Variants in OC90 observed in about 807,000 individuals in gnomAD.
The protein encoded by OC90 is otoconin-90.
Under a neutral mutation model 47.3 loss-of-function variants are expected in OC90, and 46 were observed. The observed-to-expected ratio is 0.97, with a 90% CI of 0.77 to 1.24. OC90 has a LOEUF of 1.24. OC90 is among the 50% of genes most tolerant of loss of function. The probability of loss-of-function intolerance (pLI) is 0.00; values close to 1 mark genes in which losing one functional copy is unlikely to be tolerated. For missense variants in OC90, 688 were observed against 583.9 expected (o/e 1.18, Z -1.84); for synonymous variants, 271 against 219.5 (o/e 1.23, Z -2.07).
At chr8:132,028,338 C>A (rs923896980) in intron 13 of OC90, among the ~76,000 whole-genome samples, 11 of 151,894 alleles carry the variant, frequency 7.2e-5, no homozygotes, top group African/African-American at 2.7e-4. Context: ...CCCGTCTCTA[C>A]TAAAAATACA....
At chr8:132,050,156 G>A (rs10098044) in intron 2 of OC90, among the ~76,000 whole-genome samples, 3,763 of 144,290 alleles carry the variant, frequency 0.026, 149 homozygotes, top group African/African-American at 0.086. Flanking sequence ...AAGCTTTCTA[G>A]GTAAAGGGGT....
chr8:132,024,992 C>T (rs1426037973), intron 13 of OC90, among the ~76,000 whole-genome samples: 1 of 152,238 alleles, frequency 6.6e-6, no homozygotes, highest in Non-Finnish European at 1.5e-5. Context: ...CAACTGGTGT[C>T]TGTCAAGACT....
At chr8:132,029,216 C>T in intron 12 of OC90, 37 bp from the exon 13 acceptor site, 2 of 1,533,008 alleles carry the variant, frequency 1.3e-6, no homozygotes, top group Non-Finnish European at 1.8e-6. Context: ...CTCAGAGCTC[C>T]TGGCTTCCCT....
Position 132,045,819 on chromosome 8 carries a change from G to A in OC90, c.111C>T (p.Ile37=). The A allele has an allele frequency of 6.6e-7, 1 of 1,523,606 alleles. No individual in the cohort carries two copies. Among genetic ancestry groups the A allele is most frequent in the Non-Finnish European group, 8.9e-7 (1 of 1,121,468 alleles). The allele number at this position is 1,523,606 out of a possible 1,614,324, so 94.4% of individuals were successfully genotyped here. Residue 37 remains isoleucine (I), a splice_region_variant and synonymous_variant, in exon 3 of 14, where the codon ATC becomes ATT. Coordinates refer to ENST00000254627, the MANE Select transcript of OC90 (RefSeq NM_001080399.3). ...AAGAAAAGTTCTAAGAATCCTTACT[G>A]ATATTGTTTGGGAGTCCTGGAGGCA... ...QELPPGLPNN[I]NITFFSGMFK...
At chr8:132,036,437 C>T (rs376199503) in intron 9 of OC90, 28 of 780,326 alleles carry the variant, frequency 3.6e-5, no homozygotes, top group East Asian at 2.2e-4. Context: ...AGAAATCACC[C>T]GATTTTAATG....
Position 132,031,882 on chromosome 8 carries a change from T to A in OC90, c.1030A>T (p.Arg344Trp). The change falls in exon 12 of 14, where the codon AGG becomes TGG. Residue 344 changes from arginine to tryptophan, a missense_variant and splice_region_variant. Transcript: ENST00000254627. ...GCTGTCACCGCTGGCTCTCCATACC[T>A]GTCTAGGTCATCCCTTGGCTCGCCT... The part of the protein sequence containing the change: ...GRGEPRDDLD[R>W]CCLSHHCCLE... The A allele has an allele frequency of 6.2e-7, 1 of 1,613,640 alleles. No homozygotes were observed. The highest frequency in any genetic ancestry group is 8.5e-7 in the Non-Finnish European group (1 of 1,179,718).
chr8:132,053,455 G>A (rs927922423), intron 2 of OC90, among the ~76,000 whole-genome samples: 4 of 152,162 alleles, frequency 2.6e-5, no homozygotes, highest in Admixed American at 2.0e-4. Flanking sequence ...AGTGAGTGGT[G>A]GCCTGCTAGA....
chr8:132,041,698 A>C lies in OC90; in HGVS notation c.171T>G (p.Asp57Glu), dbSNP rs1431987496. The C allele has an allele frequency of 4.7e-4, 326 of 699,864 alleles. No homozygotes were observed. Among genetic ancestry groups the C allele is most frequent in the East Asian group, 9.9e-4 (24 of 24,210 alleles). 43.4% of individuals were successfully genotyped at this position (699,864 alleles called of 1,614,324 possible). Residue 57 changes from aspartate (D) to glutamate (E), a missense_variant and splice_region_variant, in exon 5 of 14, where the codon GAT becomes GAG. Coordinates refer to ENST00000254627, the MANE Select transcript of OC90 (RefSeq NM_001080399.3). Reference sequence around the variant, plus strand: ...GCCAGGTGAAGTGGGGGCCCAGGCAATCTGTGGGGGTGGGGGGCAGGGCCT... The same window carrying C: ...GCCAGGTGAAGTGGGGGCCCAGGCACTCTGTGGGGGTGGGGGGCAGGGCCT... ...KNVESVAEIF[D>E]CLGPHFTWLQ...
At chr8:132,034,707 A>T in intron 10 of OC90, 74 bp downstream of exon 10, 2 of 1,007,788 alleles carry the variant, frequency 2.0e-6, no homozygotes, top group South Asian at 1.5e-5. Context: ...AACCCAGTTG[A>T]TATCATAAAT....
chr8:132,033,037 A>G lies in OC90; in HGVS notation c.859+2T>C, dbSNP rs1822900496. On this transcript the variant is annotated splice_donor_variant, in intron 11 of 13. Transcript: ENST00000254627. LOFTEE classifies it high-confidence loss of function. ...GAGAGGACAGACACTGCTTCTGCTC[A>G]CCTTTTTCAGTGGTCTCCTCAGGAT... 5.6e-6 allele frequency: 9 copies of G among 1,608,664 alleles called. No individual in the cohort carries two copies. The highest frequency in any genetic ancestry group is 7.6e-6 in the Non-Finnish European group (9 of 1,177,732).
chr8:132,026,927 CT>C (rs1189472998), intron 13 of OC90, among the ~76,000 whole-genome samples: 9 of 152,170 alleles, frequency 5.9e-5, no homozygotes, highest in Non-Finnish European at 1.0e-4. Flanking sequence ...CCCACTTCCA[CT>C]TTCTGTTCCA....
At chr8:132,032,111 G>T in intron 11 of OC90, 59 bp from the exon 12 acceptor site, 1 of 1,528,038 alleles carries the variant, frequency 6.5e-7, no homozygotes, top group Non-Finnish European at 9.0e-7. Context: ...GTCTCAACAG[G>T]AAGGCCATGT....
chr8:132,043,576 C>T (rs1823085807), intron 4 of OC90, among the ~76,000 whole-genome samples: 1 of 152,188 alleles, frequency 6.6e-6, no homozygotes, highest in Non-Finnish European at 1.5e-5. Context: ...ATTTAACATG[C>T]ACAGGGTCAC....
rs751842857 is a variant in OC90, at chr8:132,029,090, A to C, written c.1121T>G (p.Val374Gly). 8.7e-6 allele frequency: 14 copies of C among 1,612,260 alleles called. No homozygotes were observed. In the South Asian group the frequency reaches 1.5e-4, roughly 18 times the overall value. ...ERLPWSPVVC[V>G]DHTPKCGGQS... ...GCACTTACACTTGGGCGTATGATCCACACACACCACCGGTGACCAAGGAAG... is the reference window on the plus strand; with the variant it reads ...GCACTTACACTTGGGCGTATGATCCCCACACACCACCGGTGACCAAGGAAG... Residue 374 changes from valine (V) to glycine (G), a missense_variant, in exon 13 of 14, where the codon GTG (valine) becomes GGG (glycine). Val to Gly is a moderately radical substitution (Grantham distance 109). Coordinates refer to ENST00000254627, the MANE Select transcript of OC90 (RefSeq NM_001080399.3).
At chr8:132,046,170 T>A (rs1823130807) in intron 2 of OC90, among the ~76,000 whole-genome samples, 1 of 152,168 alleles carries the variant, frequency 6.6e-6, no homozygotes, top group South Asian at 2.1e-4. Flanking sequence ...TCTTTGTGTA[T>A]GAAGCATCCT....
chr8:132,029,215 C>T (rs1441835585), intron 12 of OC90, 36 bp from the exon 13 acceptor site: 1 of 1,530,948 alleles, frequency 6.5e-7, no homozygotes, highest in Non-Finnish European at 9.1e-7. Context: ...TCTCAGAGCT[C>T]CTGGCTTCCC....
chr8:132,050,657 G>C (rs905599941), intron 2 of OC90, among the ~76,000 whole-genome samples: 1 of 152,072 alleles, frequency 6.6e-6, no homozygotes. Flanking sequence ...TGAGACAATT[G>C]TATCTGCCTG....
intron 6 of OC90, among the ~76,000 whole-genome samples, chr8:132,039,415 C>T (rs2130857391): frequency 6.6e-6 from 1 of 152,326 alleles, no homozygotes; most frequent in Admixed American, 6.5e-5. Flanking sequence ...GGCTGAGGCC[C>T]TCTTGTCTCG....
chr8:132,055,397 T>C (rs1031477434), intron 1 of OC90, among the ~76,000 whole-genome samples: 8 of 152,206 alleles, frequency 5.3e-5, no homozygotes, highest in African/African-American at 1.9e-4. Flanking sequence ...CATCAAAGGA[T>C]TGAGGATCCA....
Sources: gnomAD v4.1 joint callset for allele counts (sites outside exome capture counted in the v4.1 genomes callset) on GRCh38, gnomAD v4.1.1 for gene constraint, MANE v1.5 for transcripts, NCBI Gene and HGNC (gene_info 2026-07-23, HGNC 2026-07-21) for gene names.